Variants in VPS13D observed in about 807,000 individuals in gnomAD.
VPS13D encodes intermembrane lipid transfer protein VPS13D.
A neutral mutation model predicts 461.9 loss-of-function variants in VPS13D; 187 were observed. The observed-to-expected ratio is 0.40, with a 90% CI of 0.36 to 0.46. The LOEUF is 0.46. VPS13D is among the 20% of genes least tolerant of loss of function. VPS13D has a pLI of 0.60. For missense variants in VPS13D, 4,711 were observed against 5,364.9 expected (o/e 0.88, Z 3.81); for synonymous variants, 1,951 against 1,986.3 (o/e 0.98, Z 0.47).
At chr1:12,301,474 C>T (rs1157167283) in intron 25 of VPS13D, among the ~76,000 whole-genome samples, 1 of 152,152 alleles carries the variant, frequency 6.6e-6, no homozygotes, top group African/African-American at 2.4e-5. Flanking sequence ...AGGATACAGC[C>T]AGATGAAGAG....
chr1:12,230,235 C>G (rs991477726), intron 1 of VPS13D, 115 bp downstream of exon 1: 3 of 152,374 alleles, frequency 2.0e-5, no homozygotes, highest in Admixed American at 6.5e-5. Context: ...CGGGCCCACC[C>G]TGGGGAGAGC....
intron 65 of VPS13D, among the ~76,000 whole-genome samples, chr1:12,440,462 T>C (rs1202904685): frequency 6.6e-6 from 1 of 151,586 alleles, no homozygotes; most frequent in African/African-American, 2.4e-5. Flanking sequence ...CTGCAAAGAT[T>C]GAAGCGATGA....
At chr1:12,461,241 GC>G (rs1645408997) in intron 67 of VPS13D, among the ~76,000 whole-genome samples, 1 of 152,144 alleles carries the variant, frequency 6.6e-6, no homozygotes, top group Non-Finnish European at 1.5e-5. Flanking sequence ...GAATTAGTAC[GC>G]CCTTTTAGAA....
At chr1:12,274,034 C>T (rs955502983) in intron 18 of VPS13D, among the ~76,000 whole-genome samples, 4 of 151,776 alleles carry the variant, frequency 2.6e-5, no homozygotes, top group African/African-American at 9.7e-5. Context: ...TGAGGAAGTA[C>T]CAAATTGTTT....
At chr1:12,382,129 G>A (rs184722615) in intron 57 of VPS13D, among the ~76,000 whole-genome samples, 2 of 146,120 alleles carry the variant, frequency 1.4e-5, no homozygotes, top group East Asian at 4.0e-4. Flanking sequence ...TTGACAAAGT[G>A]TCGCTCTTGT....
At chr1:12,341,449 C>T (rs1185936127) in intron 40 of VPS13D, among the ~76,000 whole-genome samples, 1 of 152,146 alleles carries the variant, frequency 6.6e-6, no homozygotes, top group Non-Finnish European at 1.5e-5. Flanking sequence ...AGGTTACCCA[C>T]TTAGAATATA....
intron 50 of VPS13D, among the ~76,000 whole-genome samples, chr1:12,361,882 G>A (rs188235215): frequency 1.2e-4 from 18 of 152,016 alleles, no homozygotes; most frequent in East Asian, 3.9e-4. Flanking sequence ...TTTTTGAGAC[G>A]GAGTCTCACA....
rs1350472029 is a variant in VPS13D, at chr1:12,502,715, G to T, written c.12795-4138G>T. ...AGTTACTTGGCAGATTTCTCCCTGA[G>T]AGAAGCTGGTCATGAGTCTGTTTTC... On this transcript the variant is annotated intron_variant, in intron 68 of 69. Transcript: ENST00000620676. This position sits in a 1 kb window ranked among gnomAD's most constrained non-coding sequence, Gnocchi z 4.3. Among the ~76,000 whole-genome samples the T allele has an allele frequency of 6.6e-6, 1 of 151,940 alleles. No homozygotes were observed. Among genetic ancestry groups the T allele is most frequent in the East Asian group, 1.9e-4 (1 of 5,180 alleles).
intron 54 of VPS13D, among the ~76,000 whole-genome samples, chr1:12,373,545 A>G (rs1644155103): frequency 6.6e-6 from 1 of 152,074 alleles, no homozygotes; most frequent in African/African-American, 2.4e-5. Flanking sequence ...CTTCTGAGAG[A>G]TGAATCTTGG....
At position 12,299,133 on chromosome 1, in the gene VPS13D, C is replaced by A; in HGVS notation, c.6034-69C>A. ...TATAAACTCACGAAACTTTTGGGAACCTGAGGTTATTTGGTGGTAAAATTA... is the reference window on the plus strand; with the variant it reads ...TATAAACTCACGAAACTTTTGGGAAACTGAGGTTATTTGGTGGTAAAATTA... On this transcript the variant is annotated intron_variant, in intron 24 of 69. Coordinates refer to ENST00000620676, the MANE Select transcript of VPS13D (RefSeq NM_015378.4). The surrounding 1 kb of genome is among the most constrained non-coding windows in gnomAD (Gnocchi z 4.2). 6.9e-7 allele frequency: 1 copy of A among 1,452,514 alleles called. No homozygotes were observed. The highest frequency in any genetic ancestry group is 9.2e-7 in the Non-Finnish European group (1 of 1,088,820). 90.0% of individuals were successfully genotyped at this position (1,452,514 alleles called of 1,614,324 possible).
At chr1:12,230,796 C>A (rs930955996) in intron 1 of VPS13D, among the ~76,000 whole-genome samples, 3 of 152,050 alleles carry the variant, frequency 2.0e-5, no homozygotes, top group Non-Finnish European at 4.4e-5. Context: ...CAGGGTCACG[C>A]CCTGGCCCAG....
At chr1:12,267,636 A>G (rs1292983037) in intron 14 of VPS13D, among the ~76,000 whole-genome samples, 1 of 152,184 alleles carries the variant, frequency 6.6e-6, no homozygotes, top group Non-Finnish European at 1.5e-5. Flanking sequence ...AAAGTAGCAT[A>G]TTGTCAGTAC....
chr1:12,478,380 G>T (rs916785344), intron 67 of VPS13D, among the ~76,000 whole-genome samples: 3 of 152,200 alleles, frequency 2.0e-5, no homozygotes, highest in Non-Finnish European at 2.9e-5. Flanking sequence ...AAAGGGGGAG[G>T]TTCTGTGTCC....
At chr1:12,338,584 G>A (rs1035469737) in intron 40 of VPS13D, among the ~76,000 whole-genome samples, 1 of 152,126 alleles carries the variant, frequency 6.6e-6, no homozygotes, top group Admixed American at 6.5e-5. Flanking sequence ...TCAGTTAGAG[G>A]TGATTTCTCA....
intron 20 of VPS13D, among the ~76,000 whole-genome samples, chr1:12,280,500 C>CTT (rs774648603): frequency 1.5e-4 from 21 of 139,792 alleles, no homozygotes; most frequent in Admixed American, 3.7e-4. Flanking sequence ...TGTTGACTTA[C>CTT]TTTTTTTTTT....
chr1:12,230,767 C>T (rs113509598), intron 1 of VPS13D, among the ~76,000 whole-genome samples: 62 of 151,948 alleles, frequency 4.1e-4, no homozygotes, highest in African/African-American at 1.2e-3. Flanking sequence ...CCTAAAACCT[C>T]TCTTTACCTT....
At chr1:12,427,066 G>A (rs1036109917) in intron 65 of VPS13D, among the ~76,000 whole-genome samples, 5 of 151,844 alleles carry the variant, frequency 3.3e-5, no homozygotes, top group Non-Finnish European at 5.9e-5. Flanking sequence ...CTGAACTATG[G>A]TTTGCTTCTT....
intron 50 of VPS13D, among the ~76,000 whole-genome samples, chr1:12,360,251 G>A (rs568955912): frequency 1.8e-4 from 28 of 152,272 alleles, no homozygotes; most frequent in African/African-American, 4.1e-4. Context: ...AACTTTTGCC[G>A]TATATTCCCA....
intron 62 of VPS13D, among the ~76,000 whole-genome samples, 179 bp from the exon 63 acceptor site, chr1:12,403,646 T>A (rs1437885145): frequency 6.6e-6 from 1 of 151,960 alleles, no homozygotes; most frequent in Non-Finnish European, 1.5e-5. Flanking sequence ...ACAGATCTAC[T>A]CTTACAAAGA....
Sources: allele counts gnomAD v4.1 joint callset (sites outside exome capture counted in the v4.1 genomes callset), GRCh38; gene constraint gnomAD v4.1.1; non-coding constraint Gnocchi (gnomAD v3.1); transcripts MANE v1.5; gene names NCBI Gene and HGNC (gene_info 2026-07-23, HGNC 2026-07-21).